LARP6: variants seen among roughly 807,000 people sequenced by gnomAD.
LARP6 encodes La ribonucleoprotein 6, translational regulator, also known as la-related protein 6.
A neutral mutation model predicts 32.8 loss-of-function variants in LARP6; 18 were observed. That is an observed-to-expected ratio of 0.55 (90% confidence interval 0.38 to 0.81). The LOEUF is 0.81. Among genes scored for constraint, LARP6 ranks in the 40% least tolerant of loss-of-function variants. The pLI, the probability that LARP6 is intolerant of heterozygous loss-of-function variation, is 0.00. For synonymous variants in LARP6, 289 were observed against 267.2 expected (o/e 1.08, Z -0.80); for missense variants, 598 against 663.1 (o/e 0.90, Z 1.08).
In LARP6 at chr15:70,832,222, G is replaced by T; in HGVS notation, c.1306C>A (p.Arg436Ser). ...TGGGTCCCCATCTCGGCTTGGCGACGCCTCCGGACCCAGGGGCTGCCAGAG... is the reference window on the plus strand; with the variant it reads ...TGGGTCCCCATCTCGGCTTGGCGACTCCTCCGGACCCAGGGGCTGCCAGAG... ...TPSGSPWVRR[R>S]RQAEMGTQEK... The change falls in exon 3 of 3, where the codon CGT becomes AGT. Residue 436 changes from arginine to serine, a missense_variant. By Grantham distance (110) the Arg-to-Ser change is moderately radical. Around this residue, in one of 3 missense-constraint regions of LARP6, gnomAD observed 368 missense variants for 397.9 expected, o/e 0.92. Coordinates refer to ENST00000299213, the MANE Select transcript of LARP6 (RefSeq NM_018357.4). 1 of 1,613,684 alleles carries T rather than the reference G, an allele frequency of 6.2e-7. No individual in the cohort carries two copies. Among genetic ancestry groups the T allele is most frequent in the Non-Finnish European group, 8.5e-7 (1 of 1,179,862 alleles).
intron 1 of LARP6, among the ~76,000 whole-genome samples, chr15:70,851,266 T>C (rs547569578): frequency 1.3e-5 from 2 of 152,348 alleles, no homozygotes; most frequent in East Asian, 1.9e-4. Context: ...TCACCAAATA[T>C]GGCAAAATGT....
chr15:70,843,508 C>G (rs1301808243), intron 1 of LARP6, among the ~76,000 whole-genome samples: 1 of 152,080 alleles, frequency 6.6e-6, no homozygotes, highest in Non-Finnish European at 1.5e-5. Context: ...ACTTGCCAAC[C>G]GTAGTCATTC....
chr15:70,852,380 A>C (rs1595958276), intron 1 of LARP6: 1 of 424,318 alleles, frequency 2.4e-6, no homozygotes, highest in Non-Finnish European at 4.7e-6. Context: ...ACCCATACTG[A>C]GGCTTGGTTT....
chr15:70,848,289 A>G (rs905846145), intron 1 of LARP6, among the ~76,000 whole-genome samples: 17 of 152,216 alleles, frequency 1.1e-4, no homozygotes, highest in African/African-American at 3.9e-4. Flanking sequence ...GTCTTCTGCC[A>G]TGCTGTTCTG....
intron 1 of LARP6, among the ~76,000 whole-genome samples, chr15:70,838,914 A>AAAAAC (rs2032199243): frequency 1.3e-5 from 1 of 78,082 alleles, no homozygotes; most frequent in Non-Finnish European, 3.4e-5. Context: ...CAGCCTCACA[A>AAAAAC]AAAAAAAAAA....
At chr15:70,845,256 T>A (rs866476397) in intron 1 of LARP6, among the ~76,000 whole-genome samples, 1 of 152,164 alleles carries the variant, frequency 6.6e-6, no homozygotes, top group African/African-American at 2.4e-5. Context: ...CAGGATCCCA[T>A]CCAGGACACC....
intron 1 of LARP6, chr15:70,853,276 G>C (rs1462078393): frequency 6.8e-6 from 1 of 146,506 alleles, no homozygotes; most frequent in Non-Finnish European, 1.5e-5. Flanking sequence ...GGTGGGAAAG[G>C]CTGTGTGAAA....
Position 70,853,923 on chromosome 15 carries a change from T to A in LARP6, c.166A>T (p.Ser56Cys). ...CGGCTCGGCTCCTCCTCGCTCGCGC[T>A]GCCCCAGCCGGGGCTGAGGTACCGG... ...PARYLSPGWG[S>C]ASEEEPSRGH... The change falls in exon 1 of 3, where the codon AGC (serine) becomes TGC (cysteine). Residue 56 changes from serine (S) to cysteine (C), a missense_variant. By Grantham distance (112) the Ser-to-Cys change is moderately radical (BLOSUM62 -1). Transcript: ENST00000299213. The A allele has an allele frequency of 7.1e-7, 1 of 1,400,190 alleles. No homozygotes were observed. The highest frequency in any genetic ancestry group is 9.3e-7 in the Non-Finnish European group (1 of 1,070,882). 86.7% of individuals were successfully genotyped at this position (1,400,190 alleles called of 1,614,324 possible). A position where few individuals can be genotyped will look rare whatever the true frequency, so the allele number is the denominator to read the frequency against.
chr15:70,853,928 C>A lies in LARP6; in HGVS notation c.161G>T (p.Trp54Leu). The change falls in exon 1 of 3, where the codon TGG becomes TTG. Residue 54 changes from tryptophan to leucine, a missense_variant. Trp to Leu is a moderately conservative substitution (Grantham distance 61, BLOSUM62 -2). Transcript: ENST00000299213. Reference protein sequence around the residue: ...GDPARYLSPGWGSASEEEPSR... With the variant: ...GDPARYLSPGLGSASEEEPSR... ...CGGCTCCTCCTCGCTCGCGCTGCCC[C>A]AGCCGGGGCTGAGGTACCGGGCCGG... 7.1e-7 allele frequency: 1 copy of A among 1,414,474 alleles called. No homozygotes were observed. The highest frequency in any genetic ancestry group is 9.3e-7 in the Non-Finnish European group (1 of 1,078,034). 87.6% of individuals were successfully genotyped at this position (1,414,474 alleles called of 1,614,324 possible). A position where few individuals can be genotyped will look rare whatever the true frequency, so the allele number is the denominator to read the frequency against.
intron 1 of LARP6, chr15:70,852,121 C>CT (rs1461337812): frequency 1.1e-5 from 4 of 350,336 alleles, no homozygotes; most frequent in African/African-American, 8.6e-5. Flanking sequence ...CGGGTGATGG[C>CT]TGCTGCCATG....
rs547534146 is a variant in LARP6 at position 70,835,322 on chromosome 15, A to G, written c.411+973T>C. Among the ~76,000 whole-genome samples, 14 of 152,346 alleles carry G rather than the reference A, an allele frequency of 9.2e-5. No homozygotes were observed. In the South Asian group the frequency reaches 2.5e-3, roughly 27 times the overall value. On this transcript the variant is annotated intron_variant, in intron 2 of 2. Transcript: ENST00000299213. ...CTTTTGTCCTACTATATGTGGTCAC[A>G]TTGTAATCTTTCAGATCTCTCTCCT... is the stretch of plus-strand genomic sequence containing the variant.
intron 1 of LARP6, among the ~76,000 whole-genome samples, chr15:70,838,659 C>T (rs1253738045): frequency 6.6e-6 from 1 of 152,080 alleles, no homozygotes; most frequent in Non-Finnish European, 1.5e-5. Flanking sequence ...CTTAGGAGGG[C>T]TAATCTTTCA....
chr15:70,834,087 T>A (rs181988721), intron 2 of LARP6, among the ~76,000 whole-genome samples: 80 of 152,048 alleles, frequency 5.3e-4, no homozygotes, highest in Middle Eastern at 3.4e-3. Context: ...TCCCCCTGAG[T>A]CCTCTGAGAA....
chr15:70,832,895 C>T lies in LARP6; in HGVS notation c.633G>A (p.Glu211=). 6.2e-7 allele frequency: 1 copy of T among 1,606,474 alleles called. No individual in the cohort carries two copies. The highest frequency in any genetic ancestry group is 1.7e-5 in the Admixed American group (1 of 58,980). Residue 211 remains glutamate, a synonymous_variant, in exon 3 of 3, where the codon GAG becomes GAA. Coordinates refer to ENST00000299213, the MANE Select transcript of LARP6 (RefSeq NM_018357.4). The part of the protein sequence containing the change: ...ATPQKNGRVQ[E]KVMEHLLKLF... ...GCTTGAGCAGGTGTTCCATCACCTTCTCTTGCACCCTTCCATTCTTCTGGG... is the reference window on the plus strand; with the variant it reads ...GCTTGAGCAGGTGTTCCATCACCTTTTCTTGCACCCTTCCATTCTTCTGGG...
chr15:70,834,567 T>C (rs2032113426), intron 2 of LARP6, among the ~76,000 whole-genome samples: 1 of 152,158 alleles, frequency 6.6e-6, no homozygotes. Context: ...TAGGAGCACC[T>C]GGGAAAGCAC....
At chr15:70,843,649 C>CTTTTTTTT (rs67996815) in intron 1 of LARP6, among the ~76,000 whole-genome samples, 6 of 80,590 alleles carry the variant, frequency 7.4e-5, no homozygotes, top group Non-Finnish European at 1.2e-4. Context: ...GTTTTGGTGT[C>CTTTTTTTT]TTTTTTTTTT....
Position 70,831,646 on chromosome 15 carries a change from A to G in LARP6, c.*406T>C, listed in dbSNP as rs928940527. The stretch of plus-strand genomic sequence containing the variant: ...TTAGCTACTTGCTGTTGCACAAGAG[A>G]ACTTTCCTGAACTCTCAGGAAGCCC... On this transcript the variant is annotated 3_prime_UTR_variant, in exon 3 of 3. Coordinates refer to ENST00000299213, the MANE Select transcript of LARP6 (RefSeq NM_018357.4). The G allele has an allele frequency of 1.3e-5, 2 of 155,192 alleles. No individual in the cohort carries two copies. The highest frequency in any genetic ancestry group is 2.8e-5 in the Non-Finnish European group (2 of 70,244). 9.6% of individuals were successfully genotyped at this position (155,192 alleles called of 1,614,324 possible). A position where few individuals can be genotyped will look rare whatever the true frequency, so the allele number is the denominator to read the frequency against.
intron 1 of LARP6, among the ~76,000 whole-genome samples, chr15:70,837,713 G>A (rs1446521275): frequency 6.6e-6 from 1 of 152,186 alleles, no homozygotes; most frequent in Non-Finnish European, 1.5e-5. Flanking sequence ...CATGATCACT[G>A]ACTCTCAAGC....
At chr15:70,833,222 C>A in intron 2 of LARP6, 106 bp from the exon 3 acceptor site, 24 of 861,094 alleles carry the variant, frequency 2.8e-5, no homozygotes, top group Non-Finnish European at 4.3e-5. Context: ...ACACTAGAAT[C>A]CCTGTATTCT....
Sources: gnomAD v4.1 joint callset for allele counts (sites outside exome capture counted in the v4.1 genomes callset) on GRCh38, gnomAD v4.1.1 for gene constraint, gnomAD v4.1.1 regional missense constraint, MANE v1.5 for transcripts, NCBI Gene and HGNC (gene_info 2026-07-23, HGNC 2026-07-21) for gene names.